PDE6B: variants seen among roughly 807,000 people sequenced by gnomAD.
PDE6B encodes the protein phosphodiesterase 6B.
A neutral mutation model predicts 109.0 loss-of-function variants in PDE6B; 106 were observed. That is an observed-to-expected ratio of 0.97 (90% CI 0.83 to 1.14). PDE6B has a LOEUF of 1.14. Among genes scored for constraint, PDE6B ranks in the 50% most tolerant of loss-of-function variants. The pLI is 0.00. For missense variants in PDE6B, 1,193 were observed against 1,155.6 expected, an observed-to-expected ratio of 1.03 and a Z score of -0.47; for synonymous variants, 490 against 471.3, an observed-to-expected ratio of 1.04 and a Z score of -0.51.
In PDE6B at chr4:656,306, C is replaced by G; in HGVS notation, c.1107+14C>G. Reference sequence around the variant, plus strand: ...TTCAAATTTCAGGTATCTGTCTGTGCCTTGGTAGAAATTATACTTACTTAC... The same window carrying G: ...TTCAAATTTCAGGTATCTGTCTGTGGCTTGGTAGAAATTATACTTACTTAC... On this transcript the variant is annotated intron_variant, in intron 8 of 21. Transcript: ENST00000496514. 6 of 1,481,484 alleles carry G rather than the reference C, an allele frequency of 4.0e-6. No homozygotes were observed. Among genetic ancestry groups the G allele is most frequent in the Non-Finnish European group, 4.7e-6 (5 of 1,059,090 alleles). The allele number at this position is 1,481,484 out of a possible 1,614,324, so 91.8% of individuals were successfully genotyped here. A position where few individuals can be genotyped will look rare whatever the true frequency, so the allele number is the denominator to read the frequency against.
chr4:667,762 A>G, intron 20 of PDE6B, 94 bp from the exon 21 acceptor site: 6 of 1,363,098 alleles, frequency 4.4e-6, no homozygotes, highest in Non-Finnish European at 6.3e-6. Flanking sequence ...CAGGCAGTTC[A>G]TCCCCTACGA....
intron 3 of PDE6B, chr4:652,067 C>CT: frequency 9.9e-6 from 1 of 101,496 alleles, no homozygotes; most frequent in South Asian, 2.9e-4. Context: ...GGTCCACACC[C>CT]ATCGGTGAGG....
rs1204518675 is a variant in PDE6B, at chr4:648,993, C to T, written c.712-4859C>T. ...GTGAGAGGCGGCCAGGAGGGGCGGGCGTGGTCTGTCCACACCGGGCAGTGG... is the reference window on the plus strand; with the variant it reads ...GTGAGAGGCGGCCAGGAGGGGCGGGTGTGGTCTGTCCACACCGGGCAGTGG... On this transcript the variant is annotated intron_variant, in intron 3 of 21. Transcript: ENST00000496514. The surrounding 1 kb of genome is among the most constrained non-coding windows in gnomAD (Gnocchi z 4.5). Among the ~76,000 whole-genome samples the T allele has an allele frequency of 2.0e-5, 3 of 152,142 alleles. No homozygotes were observed. Among genetic ancestry groups the T allele is most frequent in the Non-Finnish European group, 4.4e-5 (3 of 68,016 alleles).
rs1372632173 is a variant in PDE6B, at chr4:660,520, T to C, written c.1521T>C (p.Ser507=). ...TTFDIYEFHF[S]DLECTELDLV... is the part of the protein sequence containing the mutation. ...TTGACATCTACGAATTCCACTTCTCTGACCTGGAGTGCACCGAACTGGACC... is the reference window on the plus strand; with the variant it reads ...TTGACATCTACGAATTCCACTTCTCCGACCTGGAGTGCACCGAACTGGACC... The change falls in exon 12 of 22, where the codon TCT becomes TCC. Residue 507 remains serine (S), a synonymous_variant. Coordinates refer to ENST00000496514, the MANE Select transcript of PDE6B (RefSeq NM_000283.4). The C allele has an allele frequency of 8.7e-6, 14 of 1,613,520 alleles. No homozygotes were observed. The highest frequency in any genetic ancestry group is 3.3e-5 in the Admixed American group (2 of 59,992).
Position 663,892 on chromosome 4 carries a change from G to T in PDE6B, c.2021+22G>T. 1 of 1,565,624 alleles carries T rather than the reference G, an allele frequency of 6.4e-7. No homozygotes were observed. Among genetic ancestry groups the T allele is most frequent in the South Asian group, 1.1e-5 (1 of 89,032 alleles). ...TCAAGTGCGCGCCTTCCGGGAGGGG[G>T]CGCCTCGCGGGGCGGGCGGGTAGCC... On this transcript the variant is annotated intron_variant, in intron 16 of 21. Transcript: ENST00000496514. The surrounding 1 kb of genome is among the most constrained non-coding windows in gnomAD (Gnocchi z 4.0).
At chr4:659,610 T>G (rs1736802601) in intron 11 of PDE6B, among the ~76,000 whole-genome samples, 1 of 145,278 alleles carries the variant, frequency 6.9e-6, no homozygotes, top group Non-Finnish European at 1.5e-5. Flanking sequence ...TGTGCGTGTG[T>G]GCATTGTATG....
intron 10 of PDE6B, among the ~76,000 whole-genome samples, chr4:658,736 T>G (rs969967417): frequency 2.0e-5 from 3 of 152,112 alleles, no homozygotes; most frequent in African/African-American, 4.8e-5. Flanking sequence ...ACCTGAGGAC[T>G]GCGTAAGGCA....
At chr4:635,993 C>G in intron 3 of PDE6B, 24 bp downstream of exon 3, 1 of 1,434,186 alleles carries the variant, frequency 7.0e-7, no homozygotes. Context: ...GAGCACAGCT[C>G]TGCCCACGAG....
intron 1 of PDE6B, among the ~76,000 whole-genome samples, chr4:634,219 C>T (rs1167529537): frequency 6.6e-6 from 1 of 152,140 alleles, no homozygotes; most frequent in Non-Finnish European, 1.5e-5. Flanking sequence ...ATGGGCCCAT[C>T]CCACACCCTA....
chr4:632,242 T>G (rs1481351671), intron 1 of PDE6B, among the ~76,000 whole-genome samples: 1 of 151,864 alleles, frequency 6.6e-6, no homozygotes, highest in South Asian at 2.1e-4. Context: ...CTGAGAGTCA[T>G]GCTGTGTGGA....
At position 664,867 on chromosome 4, in the gene PDE6B, G is replaced by C. The variant is rs1315339523; in HGVS notation, c.2130-14G>C. ...AGACGCCCATCAGCACTCGTGCCCG[G>C]TTTGTGTCTGCAGGGCCATGATGAT... On this transcript the variant is annotated splice_polypyrimidine_tract_variant and intron_variant, in intron 17 of 21. Transcript: ENST00000496514. The C allele has an allele frequency of 1.2e-6, 2 of 1,611,766 alleles. No homozygotes were observed. Among genetic ancestry groups the C allele is most frequent in the African/African-American group, 2.7e-5 (2 of 74,914 alleles).
At chr4:650,191 G>T (rs1008914172) in intron 3 of PDE6B, among the ~76,000 whole-genome samples, 5 of 152,234 alleles carry the variant, frequency 3.3e-5, no homozygotes, top group Non-Finnish European at 7.3e-5. Context: ...GAAAACTCCA[G>T]GGCGGGCCTC....
chr4:670,399 C>A lies in PDE6B; in HGVS notation c.*292C>A, dbSNP rs1247877176. ...CTGGGACTACAGGCGCCCACCACCACACATGGCTAATTTTTGTATTTTCAG... is the reference window on the plus strand; with the variant it reads ...CTGGGACTACAGGCGCCCACCACCAAACATGGCTAATTTTTGTATTTTCAG... On this transcript the variant is annotated 3_prime_UTR_variant, in exon 22 of 22. Transcript: ENST00000496514. 2.7e-6 allele frequency: 1 copy of A among 370,332 alleles called. No homozygotes were observed. The highest frequency in any genetic ancestry group is 5.1e-6 in the Non-Finnish European group (1 of 195,910). The allele number at this position is 370,332 out of a possible 1,614,324, so 22.9% of individuals were successfully genotyped here.
intron 21 of PDE6B, 119 bp downstream of exon 21, chr4:668,125 C>T (rs752868912): frequency 1.3e-4 from 129 of 1,024,372 alleles, no homozygotes; most frequent in African/African-American, 1.6e-4. Flanking sequence ...CAAGAAGCCT[C>T]GAGGTGGACA....
At position 625,665 on chromosome 4, in the gene PDE6B, C is replaced by A. The variant is rs762059087; in HGVS notation, c.39C>A (p.Asp13Glu). Residue 13 changes from aspartate (D) to glutamate (E), a missense_variant, in exon 1 of 22, where the codon GAC (aspartate) becomes GAA (glutamate). Coordinates refer to ENST00000496514, the MANE Select transcript of PDE6B (RefSeq NM_000283.4). This position sits in a 1 kb window ranked among gnomAD's most constrained non-coding sequence, Gnocchi z 5.0. ...LSEEQARSFLDQNPDFARQYF... is the reference protein window; with the variant it reads ...LSEEQARSFLEQNPDFARQYF... ...AGGAGCAGGCCCGGAGCTTTCTGGACCAGAACCCCGATTTTGCCCGCCAGT... is the reference window on the plus strand; with the variant it reads ...AGGAGCAGGCCCGGAGCTTTCTGGAACAGAACCCCGATTTTGCCCGCCAGT... 5.6e-6 allele frequency: 9 copies of A among 1,613,908 alleles called. No homozygotes were observed. The highest frequency in any genetic ancestry group is 7.6e-6 in the Non-Finnish European group (9 of 1,179,934).
At position 642,725 on chromosome 4, in the gene PDE6B, C is replaced by CAAAAAAAAAAAAAAAAAAAAAA. The variant is rs71636506; in HGVS notation, c.711+6760_711+6781dup. 6.7e-4 allele frequency among the ~76,000 whole-genome samples: 29 copies of CAAAAAAAAAAAAAAAAAAAAAA among 43,336 alleles called. 2 individuals are homozygous for CAAAAAAAAAAAAAAAAAAAAAA. The highest frequency in any genetic ancestry group is 2.6e-3 in the African/African-American group (28 of 10,712). 28.4% of individuals were successfully genotyped at this position (43,336 alleles called of 152,430 possible). On this transcript the variant is annotated intron_variant, in intron 3 of 21. Coordinates refer to ENST00000496514, the MANE Select transcript of PDE6B (RefSeq NM_000283.4). Reference sequence around the variant, plus strand: ...CCAACCTGGACAACAGACACTGTCTCAAAAAAAAAAAAAAAAAAAAAAAAA... The same window carrying CAAAAAAAAAAAAAAAAAAAAAA: ...CCAACCTGGACAACAGACACTGTCTCAAAAAAAAAAAAAAAAAAAAAAAAAAAAAAAAAAAAAAAAAAAAAAA...
Position 663,070 on chromosome 4 carries a change from C to G in PDE6B, c.1833-30C>G. ...CAGGGTGGGCCAAGGGCAGGTCCCA[C>G]GGGCCTCACCTCCACCACCTGTGTA... On this transcript the variant is annotated intron_variant, in intron 14 of 21. Coordinates refer to ENST00000496514, the MANE Select transcript of PDE6B (RefSeq NM_000283.4). The surrounding 1 kb of genome is among the most constrained non-coding windows in gnomAD (Gnocchi z 4.0). The G allele has an allele frequency of 7.4e-7, 1 of 1,346,014 alleles. No individual in the cohort carries two copies. The highest frequency in any genetic ancestry group is 1.1e-6 in the Non-Finnish European group (1 of 935,526). The allele number at this position is 1,346,014 out of a possible 1,614,324, so 83.4% of individuals were successfully genotyped here.
intron 1 of PDE6B, among the ~76,000 whole-genome samples, chr4:631,032 G>T (rs1217028278): frequency 6.6e-6 from 1 of 152,230 alleles, no homozygotes; most frequent in Non-Finnish European, 1.5e-5. Context: ...GAAGGCAGGG[G>T]ACCCAGGAGC....
chr4:634,018 C>G (rs929814230), intron 1 of PDE6B, among the ~76,000 whole-genome samples: 1 of 151,818 alleles, frequency 6.6e-6, no homozygotes, highest in Non-Finnish European at 1.5e-5. Context: ...GTGGGTACCC[C>G]CTGGGAGCCA....
Sources: gnomAD v4.1 joint callset for allele counts (sites outside exome capture counted in the v4.1 genomes callset) on GRCh38, gnomAD v4.1.1 for gene constraint, Gnocchi (gnomAD v3.1) non-coding constraint, MANE v1.5 for transcripts, NCBI Gene and HGNC (gene_info 2026-07-23, HGNC 2026-07-21) for gene names.